EXOC4: variants seen among roughly 807,000 people sequenced by gnomAD.
EXOC4 encodes exocyst complex component 4.
EXOC4 carries 71 observed loss-of-function variants against 107.2 expected under a neutral mutation model. That is an observed-to-expected ratio of 0.66 (90% CI 0.55 to 0.81). The LOEUF (loss-of-function observed/expected upper bound fraction) is 0.81. Ranked by LOEUF, EXOC4 falls within the 30% of genes least tolerant of loss-of-function variation. EXOC4 has a pLI of 0.00. For synonymous variants in EXOC4, 456 were observed against 441.2 expected (o/e 1.03, Z -0.42); for missense variants, 1,108 against 1,189.6 (o/e 0.93, Z 1.01).
intron 10 of EXOC4, among the ~76,000 whole-genome samples, chr7:133,650,979 G>A (rs1457251192): frequency 2.5e-5 from 2 of 79,706 alleles, no homozygotes; most frequent in Admixed American, 1.4e-4. Context: ...GGCATTTATT[G>A]TGTGTCCTCA....
At chr7:133,487,134 G>A (rs1799282999) in intron 9 of EXOC4, among the ~76,000 whole-genome samples, 1 of 152,094 alleles carries the variant, frequency 6.6e-6, no homozygotes, top group Non-Finnish European at 1.5e-5. Context: ...GAACCATATG[G>A]AAGAGCCTGG....
At chr7:133,992,256 A>T (rs1794279195) in intron 14 of EXOC4, among the ~76,000 whole-genome samples, 1 of 148,150 alleles carries the variant, frequency 6.7e-6, no homozygotes, top group African/African-American at 2.5e-5. Context: ...TGCTGTTCGC[A>T]TCTAGAAATG....
chr7:133,439,438 C>A (rs1798056939), intron 7 of EXOC4, among the ~76,000 whole-genome samples: 1 of 152,038 alleles, frequency 6.6e-6, no homozygotes, highest in Admixed American at 6.6e-5. Flanking sequence ...CTGTCTCAGC[C>A]TCCCAAAGTG....
At chr7:133,819,806 C>T (rs1797467147) in intron 11 of EXOC4, among the ~76,000 whole-genome samples, 1 of 151,678 alleles carries the variant, frequency 6.6e-6, no homozygotes, top group Non-Finnish European at 1.5e-5. Context: ...ATAATACTGG[C>T]TTATTAAATG....
chr7:133,271,846 C>A (rs570957035), intron 1 of EXOC4, among the ~76,000 whole-genome samples: 1 of 151,922 alleles, frequency 6.6e-6, no homozygotes, highest in East Asian at 1.9e-4. Context: ...TCTTAGCTTT[C>A]GAGTAGAATA....
intron 14 of EXOC4, among the ~76,000 whole-genome samples, chr7:133,985,388 C>A (rs1794091348): frequency 6.6e-6 from 1 of 152,198 alleles, no homozygotes; most frequent in Non-Finnish European, 1.5e-5. Context: ...GTACATTACA[C>A]CTGCTCCAAG....
intron 10 of EXOC4, among the ~76,000 whole-genome samples, chr7:133,745,698 C>T (rs1030134231): frequency 1.3e-5 from 2 of 149,866 alleles, no homozygotes; most frequent in African/African-American, 4.9e-5. Context: ...AGAACTATTG[C>T]CTCCTGTTAC....
chr7:133,868,066 A>G (rs920137245), intron 11 of EXOC4, among the ~76,000 whole-genome samples: 1 of 152,204 alleles, frequency 6.6e-6, no homozygotes, highest in Admixed American at 6.5e-5. Context: ...TTTTTTAGTA[A>G]TAGTTTTATA....
Position 134,004,892 on chromosome 7 carries a change from C to T in EXOC4, c.2349-20C>T, listed in dbSNP as rs1204128780. ...GAAGGATTTATTATTAACTGCTCTC[C>T]CTATCTCTCTCTTTTTCAGGGTTCA... On this transcript the variant is annotated intron_variant, in intron 15 of 17. Coordinates refer to ENST00000253861, the MANE Select transcript of EXOC4 (RefSeq NM_021807.4). The T allele has an allele frequency of 1.2e-6, 2 of 1,604,056 alleles. No homozygotes were observed. The highest frequency in any genetic ancestry group is 4.5e-5 in the East Asian group (2 of 44,768).
intron 13 of EXOC4, among the ~76,000 whole-genome samples, chr7:133,935,688 G>T (rs1004016965): frequency 1.3e-5 from 2 of 152,086 alleles, no homozygotes; most frequent in African/African-American, 4.8e-5. Context: ...AGTAAAAACT[G>T]TTTGCACTGT....
At chr7:133,396,727 A>G (rs1385247161) in intron 7 of EXOC4, among the ~76,000 whole-genome samples, 1 of 152,164 alleles carries the variant, frequency 6.6e-6, no homozygotes, top group Non-Finnish European at 1.5e-5. Context: ...TTAGATGACT[A>G]TACTTTTCCT....
At chr7:133,908,978 C>T (rs976090379) in intron 12 of EXOC4, among the ~76,000 whole-genome samples, 5 of 152,120 alleles carry the variant, frequency 3.3e-5, no homozygotes, top group African/African-American at 1.2e-4. Flanking sequence ...CTAACGCTCT[C>T]CCTCCCCTAG....
At chr7:133,625,399 T>G (rs966521470) in intron 9 of EXOC4, among the ~76,000 whole-genome samples, 3 of 152,234 alleles carry the variant, frequency 2.0e-5, no homozygotes, top group Non-Finnish European at 2.9e-5. Context: ...ATCACACTTA[T>G]GCTAATAATG....
At chr7:133,828,468 C>A (rs1423223169) in intron 11 of EXOC4, among the ~76,000 whole-genome samples, 1 of 152,166 alleles carries the variant, frequency 6.6e-6, no homozygotes, top group East Asian at 1.9e-4. Context: ...TTATCCTAAG[C>A]AGTTTTTGCC....
intron 13 of EXOC4, among the ~76,000 whole-genome samples, chr7:133,929,958 A>T (rs560402260): frequency 6.6e-6 from 1 of 152,110 alleles, no homozygotes; most frequent in Non-Finnish European, 1.5e-5. Flanking sequence ...ACAGATTTCA[A>T]TTCTTCAAGA....
chr7:133,861,703 T>C (rs2116342911), intron 11 of EXOC4, among the ~76,000 whole-genome samples: 1 of 152,166 alleles, frequency 6.6e-6, no homozygotes, highest in Middle Eastern at 3.4e-3. Flanking sequence ...CTGGCTAATT[T>C]TTGTATTTTT....
chr7:134,010,923 C>G (rs1351444696), intron 17 of EXOC4, among the ~76,000 whole-genome samples: 1 of 151,982 alleles, frequency 6.6e-6, no homozygotes, highest in Non-Finnish European at 1.5e-5. Flanking sequence ...TTCATGCACA[C>G]CTTCCCTCTA....
chr7:133,340,873 C>T (rs1188533074), intron 5 of EXOC4, among the ~76,000 whole-genome samples: 1 of 151,966 alleles, frequency 6.6e-6, no homozygotes, highest in Non-Finnish European at 1.5e-5. Flanking sequence ...TGTAATATCT[C>T]CCATTTCGTG....
chr7:133,269,495 T>C (rs1793813961), intron 1 of EXOC4, among the ~76,000 whole-genome samples: 3 of 152,228 alleles, frequency 2.0e-5, no homozygotes, highest in African/African-American at 7.2e-5. Flanking sequence ...GTATGCAAAA[T>C]AACCACTGTA....
Sources: gnomAD v4.1 joint callset for allele counts (sites outside exome capture counted in the v4.1 genomes callset) on GRCh38, gnomAD v4.1.1 for gene constraint, MANE v1.5 for transcripts, NCBI Gene and HGNC (gene_info 2026-07-23, HGNC 2026-07-21) for gene names.